Variants in NDUFA13 observed in about 807,000 individuals in gnomAD.
NDUFA13 encodes NADH:ubiquinone oxidoreductase subunit A13.
A neutral mutation model predicts 17.0 loss-of-function variants in NDUFA13; 16 were observed. The observed-to-expected ratio is 0.94, with a 90% CI of 0.64 to 1.43. The LOEUF is 1.43. Ranked by LOEUF, NDUFA13 falls within the 40% of genes most tolerant of loss-of-function variation. The pLI, the probability that NDUFA13 is intolerant of heterozygous loss-of-function variation, is 0.00. For synonymous variants in NDUFA13, 87 were observed against 78.4 expected (o/e 1.11, Z -0.58); for missense variants, 228 against 206.7 (o/e 1.10, Z -0.63).
At chr19:19,517,594 A>C (rs961598014) in intron 1 of NDUFA13, among the ~76,000 whole-genome samples, 4 of 152,230 alleles carry the variant, frequency 2.6e-5, no homozygotes, top group East Asian at 1.9e-4. Context: ...CACACACACA[A>C]AAATGAGCAT....
chr19:19,517,586 C>G (rs1334140136), intron 1 of NDUFA13, among the ~76,000 whole-genome samples: 1 of 152,220 alleles, frequency 6.6e-6, no homozygotes, highest in Non-Finnish European at 1.5e-5. Context: ...AATTTTAACA[C>G]ACACACAAAA....
At position 19,517,240 on chromosome 19, in the gene NDUFA13, A is replaced by G. The variant is rs1383755602; in HGVS notation, c.94+908A>G. Reference sequence around the variant, plus strand: ...ACGTAATCTAAGAGTGAATACATACATTTCTTTTTTTTTTTTTAAGACGGT... The same window carrying G: ...ACGTAATCTAAGAGTGAATACATACGTTTCTTTTTTTTTTTTTAAGACGGT... On this transcript the variant is annotated intron_variant, in intron 1 of 4. Coordinates refer to ENST00000507754, the MANE Select transcript of NDUFA13 (RefSeq NM_015965.7). 7.7e-5 allele frequency among the ~76,000 whole-genome samples: 11 copies of G among 143,524 alleles called. No individual in the cohort carries two copies. In the East Asian group the frequency reaches 2.2e-3, roughly 28 times the overall value. The allele number at this position is 143,524 out of a possible 152,430, so 94.2% of individuals were successfully genotyped here.
rs779602473 is a variant in NDUFA13, at chr19:19,516,333, G to T, written c.94+1G>T. 1 of 1,613,328 alleles carries T rather than the reference G, an allele frequency of 6.2e-7. No individual in the cohort carries two copies. The highest frequency in any genetic ancestry group is 1.3e-5 in the African/African-American group (1 of 75,036). The stretch of plus-strand genomic sequence containing the variant: ...AACTTGCCGCGTCGAGGACTGTCGG[G>T]TCAGTATCACTCTGCGCCGGGGTCT... On this transcript the variant is annotated splice_donor_variant, in intron 1 of 4. Transcript: ENST00000507754. LOFTEE classifies it high-confidence loss of function.
rs2061047264 is a variant in NDUFA13 at position 19,516,248 on chromosome 19, T to G, written c.10T>G (p.Ser4Ala). Residue 4 changes from serine (S) to alanine (A), a missense_variant, in exon 1 of 5, where the codon TCA (serine) becomes GCA (alanine). Transcript: ENST00000507754. MAA[S>A]KVKQDMPPPG... ...GTGGGATACTGCGAGTATGGCGGCG[T>G]CAAAGGTGAAGCAGGACATGCCTCC... 2 of 1,613,866 alleles carry G rather than the reference T, an allele frequency of 1.2e-6. No homozygotes were observed. Among genetic ancestry groups the G allele is most frequent in the Non-Finnish European group, 1.7e-6 (2 of 1,179,994 alleles).
At chr19:19,517,522 C>G (rs1452239003) in intron 1 of NDUFA13, among the ~76,000 whole-genome samples, 1 of 151,988 alleles carries the variant, frequency 6.6e-6, no homozygotes, top group East Asian at 1.9e-4. Context: ...GAATGCATGT[C>G]TCTTAACAAA....
At chr19:19,526,646 A>G in intron 2 of NDUFA13, 1 of 344,434 alleles carries the variant, frequency 2.9e-6, no homozygotes, top group Non-Finnish European at 5.7e-6. Context: ...CGGGCCCTCT[A>G]AGCAGGATTT....
chr19:19,518,063 G>A (rs1447768155), intron 1 of NDUFA13, among the ~76,000 whole-genome samples: 2 of 150,578 alleles, frequency 1.3e-5, no homozygotes, highest in South Asian at 2.1e-4. Flanking sequence ...GATGGCTTGA[G>A]CCCAGGAGTT....
intron 1 of NDUFA13, among the ~76,000 whole-genome samples, chr19:19,520,003 CT>C (rs2061069628): frequency 8.3e-6 from 1 of 121,006 alleles, no homozygotes; most frequent in African/African-American, 3.2e-5. Context: ...GAGACAGAGT[CT>C]TGTTCTGTCA....
chr19:19,527,929 CACTG>C, intron 4 of NDUFA13, 74 bp from the exon 5 acceptor site: 1 of 1,560,602 alleles, frequency 6.4e-7, no homozygotes, highest in Non-Finnish European at 8.8e-7. Context: ...GCACAGGGGC[CACTG>C]ATCCTGGGGG....
At chr19:19,516,374 C>T (rs556735946) in intron 1 of NDUFA13, 42 bp downstream of exon 1, 1 of 1,584,424 alleles carries the variant, frequency 6.3e-7, no homozygotes, top group Admixed American at 1.7e-5. Context: ...TCTGGGCACT[C>T]GGGGCTCGGG....
At chr19:19,525,126 T>C (rs2061094429) in intron 1 of NDUFA13, among the ~76,000 whole-genome samples, 1 of 152,176 alleles carries the variant, frequency 6.6e-6, no homozygotes, top group East Asian at 1.9e-4. Flanking sequence ...AGCTGGGAGC[T>C]GGCCCTGAGC....
intron 2 of NDUFA13, chr19:19,526,510 G>A (rs1009391900): frequency 1.8e-5 from 10 of 549,640 alleles, no homozygotes; most frequent in South Asian, 1.7e-4. Context: ...TTGAGCCCAG[G>A]AGTTCAAGAC....
intron 1 of NDUFA13, among the ~76,000 whole-genome samples, chr19:19,520,637 AT>A (rs1355056316): frequency 2.0e-5 from 3 of 152,018 alleles, no homozygotes; most frequent in Non-Finnish European, 4.4e-5. Context: ...CTCAAAAAAA[AT>A]AATAATAATA....
intron 1 of NDUFA13, among the ~76,000 whole-genome samples, chr19:19,522,571 CG>C (rs2061083060): frequency 1.4e-5 from 2 of 146,458 alleles, no homozygotes; most frequent in African/African-American, 5.1e-5. Context: ...CTCCGCCTCC[CG>C]GGTTCACGCC....
intron 2 of NDUFA13, 134 bp downstream of exon 2, chr19:19,526,394 A>C (rs2061099845): frequency 5.5e-6 from 5 of 911,934 alleles, no homozygotes; most frequent in Admixed American, 2.0e-5. Context: ...CCCAGGCCCC[A>C]GAAAGTGCAG....
At position 19,527,360 on chromosome 19, in the gene NDUFA13, C is replaced by T. The variant is rs746119313; in HGVS notation, c.245+8C>T. ...GGCAGAAACCGACCGGAGGTAGCAC[C>T]GCAGGGGCCAAGGTTGGGAGGTCAC... On this transcript the variant is annotated splice_region_variant and intron_variant, in intron 3 of 4. Coordinates refer to ENST00000507754, the MANE Select transcript of NDUFA13 (RefSeq NM_015965.7). The T allele has an allele frequency of 5.0e-5, 81 of 1,613,608 alleles. No individual in the cohort carries two copies. Among genetic ancestry groups the T allele is most frequent in the Non-Finnish European group, 6.1e-5 (72 of 1,179,992 alleles).
chr19:19,516,848 C>T lies in NDUFA13; in HGVS notation c.94+516C>T, dbSNP rs138193947. Among the ~76,000 whole-genome samples, 793 of 152,080 alleles carry T rather than the reference C, an allele frequency of 5.2e-3. 1 individual carries two copies. The highest frequency in any genetic ancestry group is 8.6e-3 in the Non-Finnish European group (582 of 67,994). Reference sequence around the variant, plus strand: ...TGTTGCCCAGGCTGGAGTGCAATGGCGCCATCTCGGCTCACCGCAACCTCC... The same window carrying T: ...TGTTGCCCAGGCTGGAGTGCAATGGTGCCATCTCGGCTCACCGCAACCTCC... On this transcript the variant is annotated intron_variant, in intron 1 of 4. Coordinates refer to ENST00000507754, the MANE Select transcript of NDUFA13 (RefSeq NM_015965.7).
intron 3 of NDUFA13, 101 bp from the exon 4 acceptor site, chr19:19,527,600 C>A (rs1344950949): frequency 2.9e-6 from 3 of 1,043,660 alleles, no homozygotes; most frequent in Admixed American, 4.1e-5. Flanking sequence ...GAAAAGGAGA[C>A]AGGGTCGGAG....
chr19:19,523,442 CT>C (rs139366686), intron 1 of NDUFA13, among the ~76,000 whole-genome samples: 78 of 148,990 alleles, frequency 5.2e-4, no homozygotes, highest in Admixed American at 1.4e-3. Flanking sequence ...ATATATTTTT[CT>C]TTTTTTTTTG....
Sources: gnomAD v4.1 joint callset for allele counts (sites outside exome capture counted in the v4.1 genomes callset) on GRCh38, gnomAD v4.1.1 for gene constraint, MANE v1.5 for transcripts, NCBI Gene and HGNC (gene_info 2026-07-23, HGNC 2026-07-21) for gene names.